Variants in COL24A1 observed in about 807,000 individuals in gnomAD.
COL24A1 encodes the protein collagen alpha-1(XXIV) chain.
In COL24A1, 224 loss-of-function variants were observed where a neutral mutation model predicts 253.9. That is an observed-to-expected ratio of 0.88 (90% CI 0.79 to 0.99). The LOEUF (loss-of-function observed/expected upper bound fraction) is 0.99, where lower values mean the gene tolerates loss of function less well. Ranked by LOEUF, COL24A1 falls within the 50% of genes least tolerant of loss-of-function variation. COL24A1 has a pLI of 0.00. For missense variants in COL24A1, 2,131 were observed against 2,068.5 expected, an observed-to-expected ratio of 1.03 and a Z score of -0.59; for synonymous variants, 685 against 673.7, an observed-to-expected ratio of 1.02 and a Z score of -0.26.
intron 37 of COL24A1, among the ~76,000 whole-genome samples, chr1:85,851,894 A>G (rs1570917288): frequency 6.6e-6 from 1 of 152,200 alleles, no homozygotes; most frequent in East Asian, 1.9e-4. Context: ...CTTTGGACTA[A>G]CACAAGTTTG....
At chr1:85,965,091 GTA>G in intron 22 of COL24A1, 29 bp from the exon 23 acceptor site, 4 of 1,556,968 alleles carry the variant, frequency 2.6e-6, no homozygotes, top group Non-Finnish European at 3.5e-6. Context: ...AAAGAAGAAA[GTA>G]TATATGTTTA....
intron 47 of COL24A1, among the ~76,000 whole-genome samples, chr1:85,805,088 G>T (rs1671826649): frequency 6.6e-6 from 1 of 152,106 alleles, no homozygotes; most frequent in African/African-American, 2.4e-5. Context: ...AGGTCCTCTT[G>T]CCTTGGTCTC....
chr1:86,053,197 C>G (rs1700437618), intron 10 of COL24A1, among the ~76,000 whole-genome samples: 1 of 151,914 alleles, frequency 6.6e-6, no homozygotes, highest in African/African-American at 2.4e-5. Flanking sequence ...AGTGTAAAGT[C>G]AGCTAACATT....
At chr1:85,891,976 T>A (rs572361521) in intron 31 of COL24A1, among the ~76,000 whole-genome samples, 2 of 152,280 alleles carry the variant, frequency 1.3e-5, no homozygotes, top group South Asian at 4.1e-4. Flanking sequence ...ACTATGATAA[T>A]GATGACCATG....
intron 20 of COL24A1, among the ~76,000 whole-genome samples, chr1:85,973,190 C>T (rs143467430): frequency 1.8e-3 from 276 of 152,292 alleles, no homozygotes; most frequent in African/African-American, 5.9e-3. Flanking sequence ...TGTTTAATCA[C>T]TTAATTCATC....
At chr1:86,120,066 T>C (rs1008469095) in intron 3 of COL24A1, among the ~76,000 whole-genome samples, 4 of 152,210 alleles carry the variant, frequency 2.6e-5, no homozygotes, top group African/African-American at 9.7e-5. Context: ...TAATAAATGA[T>C]GTTGGGAAAA....
intron 31 of COL24A1, among the ~76,000 whole-genome samples, chr1:85,892,315 G>A (rs1683218614): frequency 6.6e-6 from 1 of 151,928 alleles, no homozygotes; most frequent in South Asian, 2.1e-4. Flanking sequence ...TTATAGTGCT[G>A]AATGAAAACA....
intron 12 of COL24A1, among the ~76,000 whole-genome samples, chr1:86,039,040 C>T (rs1032570103): frequency 7.9e-5 from 12 of 152,120 alleles, no homozygotes; most frequent in Admixed American, 3.3e-4. Context: ...ATAGCTAATA[C>T]ATAGTAACAA....
chr1:86,072,275 G>T (rs1023912616), intron 7 of COL24A1, among the ~76,000 whole-genome samples: 1 of 152,178 alleles, frequency 6.6e-6, no homozygotes, highest in African/African-American at 2.4e-5. Flanking sequence ...AATTCTTGCT[G>T]CCAGCACAGC....
At chr1:85,855,316 C>A (rs947978394) in intron 37 of COL24A1, among the ~76,000 whole-genome samples, 1 of 152,062 alleles carries the variant, frequency 6.6e-6, no homozygotes, top group African/African-American at 2.4e-5. Flanking sequence ...ATGCTTCCAG[C>A]TTTTGCCTAT....
rs543760259 is a variant in COL24A1 at position 86,118,709 on chromosome 1, C to T, written c.1492-3331G>A. Among the ~76,000 whole-genome samples the T allele has an allele frequency of 2.5e-3, 376 of 152,086 alleles. 2 individuals are homozygous for T. Among genetic ancestry groups the T allele is most frequent in the African/African-American group, 8.5e-3 (352 of 41,458 alleles). ...CCAAGAAAGAGGTTAATATGGTGGA[C>T]CTAATTTATATTGTGATGTCAGAGA... On this transcript the variant is annotated intron_variant, in intron 3 of 59. Transcript: ENST00000370571.
chr1:85,745,401 T>C, intron 56 of COL24A1, 40 bp downstream of exon 56: 1 of 1,483,190 alleles, frequency 6.7e-7, no homozygotes. Flanking sequence ...ATTGGTATAT[T>C]GAGAGACAGT....
At chr1:86,010,956 A>G (rs1696432906) in intron 19 of COL24A1, among the ~76,000 whole-genome samples, 1 of 152,162 alleles carries the variant, frequency 6.6e-6, no homozygotes, top group South Asian at 2.1e-4. Context: ...AAGATACACC[A>G]GAAACTACTG....
intron 32 of COL24A1, among the ~76,000 whole-genome samples, chr1:85,879,113 C>T (rs746693597): frequency 3.9e-5 from 6 of 151,960 alleles, no homozygotes; most frequent in Non-Finnish European, 8.8e-5. Flanking sequence ...TTTTTTCTTT[C>T]ATGGGTTGTG....
At chr1:85,804,603 G>C (rs1558190073) in intron 47 of COL24A1, among the ~76,000 whole-genome samples, 1 of 152,164 alleles carries the variant, frequency 6.6e-6, no homozygotes, top group Non-Finnish European at 1.5e-5. Flanking sequence ...ACCTTGCATG[G>C]ATGGCAGCAG....
intron 43 of COL24A1, among the ~76,000 whole-genome samples, chr1:85,831,036 C>T (rs72952522): frequency 0.01 from 1,542 of 152,022 alleles, 29 homozygotes; most frequent in African/African-American, 0.035. Context: ...TTCAACTTCC[C>T]GATAAAGAAA....
At chr1:86,058,956 G>A (rs1029339253) in intron 9 of COL24A1, among the ~76,000 whole-genome samples, 165 bp downstream of exon 9, 5 of 151,964 alleles carry the variant, frequency 3.3e-5, no homozygotes, top group Non-Finnish European at 5.9e-5. Context: ...ACTTTCTGAA[G>A]AAAAATTGTA....
intron 53 of COL24A1, among the ~76,000 whole-genome samples, chr1:85,771,646 T>G (rs1316734338): frequency 6.6e-6 from 1 of 152,128 alleles, no homozygotes; most frequent in Non-Finnish European, 1.5e-5. Flanking sequence ...CAAATGGTAT[T>G]TCTAGTTCTA....
chr1:85,795,198 A>G (rs1187188356), intron 47 of COL24A1, among the ~76,000 whole-genome samples: 1 of 152,240 alleles, frequency 6.6e-6, no homozygotes, highest in Non-Finnish European at 1.5e-5. Flanking sequence ...AAATTGTTTT[A>G]GTGCAAGTCT....
Sources: gnomAD v4.1 joint callset for allele counts (sites outside exome capture counted in the v4.1 genomes callset) on GRCh38, gnomAD v4.1.1 for gene constraint, MANE v1.5 for transcripts, NCBI Gene and HGNC (gene_info 2026-07-23, HGNC 2026-07-21) for gene names.